Variants in FBN3 observed in about 807,000 individuals in gnomAD.
FBN3 encodes fibrillin-3.
Under a neutral mutation model 330.1 loss-of-function variants are expected in FBN3, and 234 were observed. That is an observed-to-expected ratio of 0.71 (90% CI 0.64 to 0.79). The LOEUF (loss-of-function observed/expected upper bound fraction) is 0.79, where lower values mean the gene tolerates loss of function less well. Among genes scored for constraint, FBN3 ranks in the 30% least tolerant of loss-of-function variants. The pLI is 0.00. For missense variants in FBN3, 3,606 were observed against 3,886.9 expected (o/e 0.93, Z 1.92); for synonymous variants, 1,458 against 1,517.3 (o/e 0.96, Z 0.91).
At chr19:8,112,642 T>A (rs2082616929) in intron 30 of FBN3, among the ~76,000 whole-genome samples, 2 of 152,018 alleles carry the variant, frequency 1.3e-5, no homozygotes, top group African/African-American at 4.8e-5. Context: ...AGAGTGAGAC[T>A]CCGTCTCAAA....
chr19:8,091,432 C>T (rs1457148954), intron 48 of FBN3, 33 bp downstream of exon 48: 2 of 1,611,346 alleles, frequency 1.2e-6, no homozygotes, highest in East Asian at 2.2e-5. Flanking sequence ...GCCCCACTTC[C>T]CACCCTCTTC....
In FBN3 at chr19:8,129,497, G is replaced by A. The variant is rs767864751; in HGVS notation, c.2045-132C>T. 4.0e-5 allele frequency: 48 copies of A among 1,186,670 alleles called. No homozygotes were observed. The highest frequency in any genetic ancestry group is 1.5e-4 in the Admixed American group (6 of 39,306). The allele number at this position is 1,186,670 out of a possible 1,614,324, so 73.5% of individuals were successfully genotyped here. On this transcript the variant is annotated intron_variant, in intron 16 of 63. Transcript: ENST00000600128. The surrounding 1 kb of genome is among the most constrained non-coding windows in gnomAD (Gnocchi z 4.5). ...AAGGCCATAGCTCCAGCCCAGACCC[G>A]GCCTCATTCTGCTCTAAACCGAGGT...
chr19:8,072,095 G>A lies in FBN3; in HGVS notation c.8041C>T (p.Leu2681Phe). 3 of 1,612,720 alleles carry A rather than the reference G, an allele frequency of 1.9e-6. No individual in the cohort carries two copies. Among genetic ancestry groups the A allele is most frequent in the Non-Finnish European group, 2.5e-6 (3 of 1,179,698 alleles). Residue 2681 changes from leucine (L) to phenylalanine (F), a missense_variant, in exon 63 of 64, where the codon CTC becomes TTC. Transcript: ENST00000600128. ...EACYECKING[L>F]SPRDRPRRSA... ...CGTCGTGGCCGGTCCCGAGGGGAGA[G>A]GCCATTGATCTTGCATTCGTAGCAG... is the stretch of plus-strand genomic sequence containing the variant.
intron 18 of FBN3, among the ~76,000 whole-genome samples, chr19:8,128,375 C>A (rs1488044668): frequency 6.6e-6 from 1 of 152,030 alleles, no homozygotes; most frequent in African/African-American, 2.4e-5. Context: ...ACCAGCCTGG[C>A]GAACATGGTG....
chr19:8,146,344 G>A (rs1437165077), intron 3 of FBN3, 119 bp from the exon 4 acceptor site: 8 of 806,464 alleles, frequency 9.9e-6, no homozygotes, highest in Admixed American at 6.5e-5. Flanking sequence ...CTGCATCCCC[G>A]GCTCTGCTCA....
intron 6 of FBN3, among the ~76,000 whole-genome samples, chr19:8,143,149 T>C (rs2083451963): frequency 6.6e-6 from 1 of 152,130 alleles, no homozygotes; most frequent in Non-Finnish European, 1.5e-5. Context: ...GTTTTTTCTG[T>C]CCAGGCTTAA....
Position 8,085,537 on chromosome 19 carries a change from G to T in FBN3, c.6913C>A (p.Leu2305Met). Residue 2305 changes from leucine to methionine, a missense_variant, in exon 56 of 64, where the codon CTG becomes ATG. Transcript: ENST00000600128. ...IRQGPCFAEVLQTMCRSLSSS... is the reference protein window; with the variant it reads ...IRQGPCFAEVMQTMCRSLSSS... ...GACAGAGACCGGCACATGGTCTGCA[G>T]CACCTCGGCAAAGCAGGGCCCCTGC... 6.3e-7 allele frequency: 1 copy of T among 1,587,616 alleles called. No individual in the cohort carries two copies.
rs770464710 is a variant in FBN3 at position 8,136,305 on chromosome 19, T to C, written c.1350A>G (p.Val450=). The change falls in exon 12 of 64, where the codon GTA becomes GTG. Residue 450 remains valine, a synonymous_variant. Coordinates refer to ENST00000600128, the MANE Select transcript of FBN3 (RefSeq NM_032447.5). ...GGCAGGGGCTGCTGGTGCATTCGTC[T>C]ACATCTGAGGGGAGAGGACCCTGAG... The part of the protein sequence containing the change: ...TQDVRGECID[V]DECTSSPCHH... 4.4e-6 allele frequency: 7 copies of C among 1,602,582 alleles called. No individual in the cohort carries two copies. Among genetic ancestry groups the C allele is most frequent in the East Asian group, 2.2e-5 (1 of 44,794 alleles).
chr19:8,139,049 G>A (rs1034648357), intron 8 of FBN3, among the ~76,000 whole-genome samples: 6 of 151,486 alleles, frequency 4.0e-5, no homozygotes, highest in East Asian at 1.9e-4. Flanking sequence ...GCGAGACTCC[G>A]TCTCAAAAAA....
At chr19:8,081,626 G>A (rs35618038) in intron 57 of FBN3, 146 bp from the exon 58 acceptor site, 483,572 of 886,352 alleles carry the variant, frequency 0.55, 137,787 homozygotes, top group African/African-American at 0.8. Context: ...AAAAAGCCAG[G>A]TGGGAAATAC....
intron 47 of FBN3, among the ~76,000 whole-genome samples, chr19:8,093,152 G>C (rs1250656856): frequency 6.6e-6 from 1 of 152,066 alleles, no homozygotes; most frequent in South Asian, 2.1e-4. Flanking sequence ...CCCTACACCG[G>C]ACAGGGTTAA....
intron 30 of FBN3, among the ~76,000 whole-genome samples, chr19:8,112,477 T>C (rs1343490777): frequency 4.3e-5 from 4 of 92,192 alleles, no homozygotes; most frequent in Non-Finnish European, 6.5e-5. Context: ...AAACCCTGTC[T>C]CTACTAAAAA....
chr19:8,084,934 T>C (rs1434373421), intron 56 of FBN3, among the ~76,000 whole-genome samples: 1 of 152,086 alleles, frequency 6.6e-6, no homozygotes, highest in Non-Finnish European at 1.5e-5. Flanking sequence ...TCACCCAGGC[T>C]GGAGTGCAGT....
At chr19:8,110,060 T>C (rs1248328544) in intron 34 of FBN3, among the ~76,000 whole-genome samples, 1 of 152,166 alleles carries the variant, frequency 6.6e-6, no homozygotes, top group East Asian at 1.9e-4. Flanking sequence ...ATTTCCGTAA[T>C]TTATTGATGT....
chr19:8,138,554 G>A lies in FBN3; in HGVS notation c.876C>T (p.Ala292=), dbSNP rs368013519. 279 of 1,607,792 alleles carry A rather than the reference G, an allele frequency of 1.7e-4. 1 individual carries two copies. The South Asian group carries it at 1.9e-3, about 11-fold the overall frequency. The change falls in exon 9 of 64, where the codon GCC becomes GCT. Residue 292 remains alanine (A), a synonymous_variant. Coordinates refer to ENST00000600128, the MANE Select transcript of FBN3 (RefSeq NM_032447.5). ...DSSAACEDYR[A]GACFSVLFGG... Reference sequence around the variant, plus strand: ...CGAAAAGCACTGAGAAGCAGGCGCCGGCCCGGTAGTCTGCAAAAGATCAGA... The same window carrying A: ...CGAAAAGCACTGAGAAGCAGGCGCCAGCCCGGTAGTCTGCAAAAGATCAGA...
chr19:8,140,390 G>A (rs778547298), intron 8 of FBN3, among the ~76,000 whole-genome samples: 19 of 152,184 alleles, frequency 1.2e-4, no homozygotes, highest in South Asian at 6.2e-4. Flanking sequence ...CTTGAACCCC[G>A]GAGGCGGAGG....
At chr19:8,099,146 T>C (rs1294350762) in intron 41 of FBN3, among the ~76,000 whole-genome samples, 1 of 137,586 alleles carries the variant, frequency 7.3e-6, no homozygotes, top group African/African-American at 3.6e-5. Context: ...GGACCTATTA[T>C]GTAATGAAGG....
In FBN3 at chr19:8,131,180, C is replaced by T; in HGVS notation, c.2044+55G>A. 2 of 1,555,152 alleles carry T rather than the reference C, an allele frequency of 1.3e-6. No individual in the cohort carries two copies. Among genetic ancestry groups the T allele is most frequent in the Non-Finnish European group, 1.8e-6 (2 of 1,142,474 alleles). On this transcript the variant is annotated intron_variant, in intron 16 of 63. Transcript: ENST00000600128. The surrounding 1 kb of genome is among the most constrained non-coding windows in gnomAD (Gnocchi z 4.5). ...CTACAGCCTCCCACCACAGCTCTCC[C>T]CACATCTGGTAGGGGCAGGCTGGCT...
rs757427027 is a variant in FBN3 at position 8,095,443 on chromosome 19, G to A, written c.5717C>T (p.Thr1906Ile). The A allele has an allele frequency of 1.1e-5, 17 of 1,613,654 alleles. No individual in the cohort carries two copies. Among genetic ancestry groups the A allele is most frequent in the Non-Finnish European group, 1.4e-5 (17 of 1,179,770 alleles). ...QVCRFGHCLN[T>I]AGSFHCLCQD... is the part of the protein sequence containing the mutation. The stretch of plus-strand genomic sequence containing the variant: ...GCAGAGGCAGTGGAAGGAACCAGCT[G>A]TGTTGAGGCAATGGCCAAATCGGCA... The change falls in exon 46 of 64, where the codon ACA (threonine) becomes ATA (isoleucine). Residue 1906 changes from threonine to isoleucine, a missense_variant. By Grantham distance (89) the Thr-to-Ile change is moderately conservative. Transcript: ENST00000600128.
Sources: gnomAD v4.1 joint callset for allele counts (sites outside exome capture counted in the v4.1 genomes callset) on GRCh38, gnomAD v4.1.1 for gene constraint, Gnocchi (gnomAD v3.1) non-coding constraint, MANE v1.5 for transcripts, NCBI Gene and HGNC (gene_info 2026-07-23, HGNC 2026-07-21) for gene names.